The following RBPMS variants were observed in gnomAD, a reference collection of about 807,000 sequenced individuals.
RBPMS encodes RNA-binding protein with multiple splicing.
A neutral mutation model predicts 26.8 loss-of-function variants in RBPMS; 7 were observed. The ratio of observed to expected loss-of-function variants is 0.26; its 90% CI spans 0.15 to 0.49. RBPMS has a LOEUF of 0.49. Among genes scored for constraint, RBPMS ranks in the 20% least tolerant of loss-of-function variants. RBPMS has a pLI of 0.98. For synonymous variants in RBPMS, 96 were observed against 93.3 expected, an observed-to-expected ratio of 1.03 and a Z score of -0.17; for missense variants, 186 against 250.0, an observed-to-expected ratio of 0.74 and a Z score of 1.73.
intron 1 of RBPMS, among the ~76,000 whole-genome samples, chr8:30,446,262 A>G (rs2150727132): frequency 6.6e-6 from 1 of 152,288 alleles, no homozygotes. Context: ...GTCATGTAAT[A>G]CACTTTATTT....
chr8:30,512,725 CACTG>C lies in RBPMS; in HGVS notation c.397+8290_397+8293del, dbSNP rs1585717506. On this transcript the variant is annotated intron_variant, in intron 5 of 8. Coordinates refer to ENST00000397323, the MANE Select transcript of RBPMS (RefSeq NM_001008710.3). The stretch of plus-strand genomic sequence containing the variant: ...AAGTGCTGAGATTACAGGCAAGAGC[CACTG>C]CACCTGGCCACTGACCATACTATAC... 2.0e-5 allele frequency among the ~76,000 whole-genome samples: 3 copies of C among 152,336 alleles called. No homozygotes were observed. The East Asian group carries it at 5.8e-4, about 29-fold the overall frequency.
chr8:30,479,546 C>T (rs1170797749), intron 4 of RBPMS, among the ~76,000 whole-genome samples, 169 bp downstream of exon 4: 1 of 152,156 alleles, frequency 6.6e-6, no homozygotes, highest in Non-Finnish European at 1.5e-5. Context: ...GAATTGTGAT[C>T]AGATATGCAG....
rs538031505 is a variant in RBPMS at position 30,454,983 on chromosome 8, C to T, written c.67-19796C>T. The stretch of plus-strand genomic sequence containing the variant: ...GATTACAGGCACCCGCCATCACACC[C>T]GGCTAATTTTTGTATTTTTAGAAGA... On this transcript the variant is annotated intron_variant, in intron 1 of 8. Coordinates refer to ENST00000397323, the MANE Select transcript of RBPMS (RefSeq NM_001008710.3). 5.3e-5 allele frequency among the ~76,000 whole-genome samples: 8 copies of T among 152,214 alleles called. No homozygotes were observed. In the South Asian group the frequency reaches 6.2e-4, roughly 12 times the overall value.
chr8:30,482,394 T>C (rs928229585), intron 4 of RBPMS, among the ~76,000 whole-genome samples: 1 of 152,240 alleles, frequency 6.6e-6, no homozygotes, highest in Admixed American at 6.5e-5. Context: ...TACTTCAGTG[T>C]TATGAACGAC....
chr8:30,469,940 A>G (rs1228881009), intron 1 of RBPMS, among the ~76,000 whole-genome samples: 1 of 152,066 alleles, frequency 6.6e-6, no homozygotes, highest in Non-Finnish European at 1.5e-5. Context: ...AGTTTATTTC[A>G]CTGACAGTAA....
intron 4 of RBPMS, among the ~76,000 whole-genome samples, chr8:30,502,617 T>C (rs1820678987): frequency 6.6e-6 from 1 of 152,156 alleles, no homozygotes; most frequent in Non-Finnish European, 1.5e-5. Flanking sequence ...GAGGAAGTCC[T>C]TTTACAGCAT....
chr8:30,424,010 G>T (rs1811094671), intron 1 of RBPMS, among the ~76,000 whole-genome samples: 2 of 151,920 alleles, frequency 1.3e-5, no homozygotes, highest in Admixed American at 6.6e-5. Flanking sequence ...GCTCATTTTT[G>T]TATTTTTTGT....
intron 4 of RBPMS, among the ~76,000 whole-genome samples, chr8:30,480,658 A>C (rs1341167480): frequency 6.6e-6 from 1 of 152,218 alleles, no homozygotes; most frequent in East Asian, 1.9e-4. Context: ...AGTATAAACC[A>C]ATTATTTATT....
intron 1 of RBPMS, among the ~76,000 whole-genome samples, chr8:30,452,053 C>G (rs1814647802): frequency 1.3e-5 from 2 of 152,266 alleles, no homozygotes; most frequent in South Asian, 4.2e-4. Context: ...GTGCTTTGTC[C>G]TCCATATCAC....
At chr8:30,491,508 C>T (rs1377387288) in intron 4 of RBPMS, among the ~76,000 whole-genome samples, 1 of 152,116 alleles carries the variant, frequency 6.6e-6, no homozygotes, top group African/African-American at 2.4e-5. Flanking sequence ...TGCTAAAATA[C>T]TGGAGAGCAG....
chr8:30,388,666 T>C (rs187441077), intron 1 of RBPMS, among the ~76,000 whole-genome samples: 1 of 151,776 alleles, frequency 6.6e-6, no homozygotes, highest in African/African-American at 2.4e-5. Flanking sequence ...TTGTAACTTA[T>C]TTGTTGGTCA....
intron 1 of RBPMS, among the ~76,000 whole-genome samples, chr8:30,442,227 G>C (rs1255407237): frequency 3.3e-5 from 5 of 152,150 alleles, no homozygotes; most frequent in Admixed American, 2.0e-4. Context: ...AGTATTTCCT[G>C]GGCCTTTACT....
At chr8:30,419,647 A>T (rs754549301) in intron 1 of RBPMS, among the ~76,000 whole-genome samples, 20 of 152,160 alleles carry the variant, frequency 1.3e-4, no homozygotes, top group Non-Finnish European at 2.6e-4. Flanking sequence ...AGTATTAAAA[A>T]TGTTTTATAA....
At chr8:30,489,646 C>A (rs901204774) in intron 4 of RBPMS, among the ~76,000 whole-genome samples, 1 of 151,682 alleles carries the variant, frequency 6.6e-6, no homozygotes, top group African/African-American at 2.4e-5. Context: ...GGTTTCACCC[C>A]GTTGGTCAGG....
At chr8:30,509,358 C>G (rs1403048451) in intron 5 of RBPMS, among the ~76,000 whole-genome samples, 1 of 152,154 alleles carries the variant, frequency 6.6e-6, no homozygotes, top group Non-Finnish European at 1.5e-5. Context: ...AATCAGATTA[C>G]TTCCTTGTTT....
rs1307132446 is a variant in RBPMS, at chr8:30,562,009, G to A, written c.*7+3053G>A. Reference sequence around the variant, plus strand: ...TCCTTTGGAAGTACGGCTAATAGAAGCCCTAGATCCGAATAAGATCCGAAT... The same window carrying A: ...TCCTTTGGAAGTACGGCTAATAGAAACCCTAGATCCGAATAAGATCCGAAT... On this transcript the variant is annotated intron_variant, in intron 7 of 8. Coordinates refer to ENST00000397323, the MANE Select transcript of RBPMS (RefSeq NM_001008710.3). The A allele has an allele frequency of 1.5e-5, 15 of 985,198 alleles. No homozygotes were observed. The Admixed American group carries it at 9.2e-4, about 61-fold the overall frequency. The allele number at this position is 985,198 out of a possible 1,614,324, so 61.0% of individuals were successfully genotyped here.
chr8:30,446,583 T>C (rs1300998945), intron 1 of RBPMS, among the ~76,000 whole-genome samples: 1 of 152,198 alleles, frequency 6.6e-6, no homozygotes, highest in East Asian at 1.9e-4. Context: ...GGCTTAACCA[T>C]AATAGGCATT....
At chr8:30,539,597 A>ATT (rs570268546) in intron 5 of RBPMS, among the ~76,000 whole-genome samples, 2 of 142,308 alleles carry the variant, frequency 1.4e-5, no homozygotes, top group African/African-American at 5.1e-5. Flanking sequence ...CAAATGGTTG[A>ATT]TTTTTTTTTT....
chr8:30,436,645 C>A (rs529636415), intron 1 of RBPMS, among the ~76,000 whole-genome samples: 1 of 152,316 alleles, frequency 6.6e-6, no homozygotes, highest in African/African-American at 2.4e-5. Flanking sequence ...CTTAGGACTG[C>A]AATAGTTTTC....
Sources: gnomAD v4.1 joint callset for allele counts (sites outside exome capture counted in the v4.1 genomes callset) on GRCh38, gnomAD v4.1.1 for gene constraint, MANE v1.5 for transcripts, NCBI Gene and HGNC (gene_info 2026-07-23, HGNC 2026-07-21) for gene names.